Variants in C10orf67 observed in about 807,000 individuals in gnomAD.
C10orf67 encodes the protein chromosome 10 open reading frame 67.
In C10orf67, 60 loss-of-function variants were observed where a neutral mutation model predicts 35.6. That is an observed-to-expected ratio of 1.68 (90% CI 1.37 to 2.09). The LOEUF (loss-of-function observed/expected upper bound fraction) is 2.09, where lower values mean the gene tolerates loss of function less well. C10orf67 is among the 30% of genes most tolerant of loss of function. The pLI is 0.00. For synonymous variants in C10orf67, 167 were observed against 115.8 expected, an observed-to-expected ratio of 1.44 and a Z score of -2.84; for missense variants, 474 against 330.2, an observed-to-expected ratio of 1.44 and a Z score of -3.38.
chr10:23,330,105 G>C (rs1312131462), intron 2 of C10orf67, among the ~76,000 whole-genome samples: 1 of 152,084 alleles, frequency 6.6e-6, no homozygotes, highest in Non-Finnish European at 1.5e-5. Context: ...ATTAGAAATA[G>C]AAGAAGACAT....
chr10:23,306,349 C>T (rs923142525), intron 4 of C10orf67, among the ~76,000 whole-genome samples: 11 of 151,622 alleles, frequency 7.3e-5, no homozygotes, highest in African/African-American at 2.4e-4. Context: ...CATGTGAAAC[C>T]CTGTCTCTAC....
chr10:23,283,782 A>T (rs1307707495), intron 7 of C10orf67, among the ~76,000 whole-genome samples: 2 of 150,996 alleles, frequency 1.3e-5, no homozygotes, highest in South Asian at 2.1e-4. Flanking sequence ...CCTTTCTCCA[A>T]CCTTCCCTGA....
intron 13 of C10orf67, among the ~76,000 whole-genome samples, chr10:23,235,729 A>G (rs1235994861): frequency 6.6e-6 from 1 of 152,254 alleles, no homozygotes; most frequent in Non-Finnish European, 1.5e-5. Flanking sequence ...AGAATGACCA[A>G]TCAGCACATG....
At chr10:23,308,115 C>T (rs551292269) in intron 4 of C10orf67, among the ~76,000 whole-genome samples, 1 of 152,228 alleles carries the variant, frequency 6.6e-6, no homozygotes, top group Admixed American at 6.5e-5. Context: ...TTTCTGCGTC[C>T]CCTTATTAAC....
In C10orf67 at chr10:23,303,464, G is replaced by C. The variant is rs1844165776; in HGVS notation, c.547-5C>G. On this transcript the variant is annotated splice_polypyrimidine_tract_variant and splice_region_variant and intron_variant, in intron 4 of 15. Coordinates refer to ENST00000636213, the MANE Select transcript of C10orf67 (RefSeq NM_001371909.1). Reference sequence around the variant, plus strand: ...TTCTTCTACCTCAAAGAATTGCTAGGGACAAAAAAAAGCAGCATTAAAAAT... The same window carrying C: ...TTCTTCTACCTCAAAGAATTGCTAGCGACAAAAAAAAGCAGCATTAAAAAT... 3.7e-6 allele frequency: 2 copies of C among 533,512 alleles called. No homozygotes were observed. The highest frequency in any genetic ancestry group is 6.8e-6 in the Non-Finnish European group (2 of 294,426). The allele number at this position is 533,512 out of a possible 1,614,324, so 33.0% of individuals were successfully genotyped here.
chr10:23,204,183 G>A lies in C10orf67; in HGVS notation c.1643C>T (p.Thr548Ile). 1.6e-6 allele frequency: 1 copy of A among 621,780 alleles called. No individual in the cohort carries two copies. The highest frequency in any genetic ancestry group is 3.0e-6 in the Non-Finnish European group (1 of 335,016). The allele number at this position is 621,780 out of a possible 1,614,324, so 38.5% of individuals were successfully genotyped here. Residue 548 changes from threonine (T) to isoleucine (I), a missense_variant, in exon 16 of 16, where the codon ACT becomes ATT. By Grantham distance (89) the Thr-to-Ile change is moderately conservative. Coordinates refer to ENST00000636213, the MANE Select transcript of C10orf67 (RefSeq NM_001371909.1). ...PSMRQSSPAE[T>I]VD is the part of the protein sequence containing the mutation. ...CAGGCTTCTGCTGGGTTAATCAACA[G>A]TCTCTGCGGGGCTGCTCTGGCGCAT...
chr10:23,229,864 T>C (rs1418299511), intron 13 of C10orf67, among the ~76,000 whole-genome samples: 1 of 152,128 alleles, frequency 6.6e-6, no homozygotes, highest in Admixed American at 6.5e-5. Context: ...TATTTACAGA[T>C]TAGAAGACTC....
At chr10:23,322,030 A>T (rs1844975202) in intron 3 of C10orf67, among the ~76,000 whole-genome samples, 1 of 152,182 alleles carries the variant, frequency 6.6e-6, no homozygotes, top group Non-Finnish European at 1.5e-5. Flanking sequence ...TCAAGCCAGC[A>T]TCCCACCCTG....
chr10:23,315,900 C>G (rs191656311), intron 4 of C10orf67, among the ~76,000 whole-genome samples: 12 of 152,120 alleles, frequency 7.9e-5, no homozygotes, highest in African/African-American at 2.9e-4. Context: ...CTCACTGTAA[C>G]GTCAGACTCC....
At chr10:23,343,446 G>A (rs1207049021) in intron 1 of C10orf67, among the ~76,000 whole-genome samples, 3 of 152,094 alleles carry the variant, frequency 2.0e-5, no homozygotes, top group Admixed American at 2.0e-4. Flanking sequence ...TCCAGAACTG[G>A]GAGAAACAAA....
At chr10:23,222,565 T>C (rs1016209005) in intron 15 of C10orf67, among the ~76,000 whole-genome samples, 1 of 152,102 alleles carries the variant, frequency 6.6e-6, no homozygotes, top group African/African-American at 2.4e-5. Context: ...GTTCACTAAT[T>C]GGGTGATGAG....
chr10:23,251,127 G>A (rs1842444460), intron 10 of C10orf67, among the ~76,000 whole-genome samples: 1 of 152,046 alleles, frequency 6.6e-6, no homozygotes, highest in South Asian at 2.1e-4. Context: ...AGAACAATGA[G>A]TTATATTTAC....
At chr10:23,332,351 T>A (rs1361787578) in intron 2 of C10orf67, among the ~76,000 whole-genome samples, 1 of 152,116 alleles carries the variant, frequency 6.6e-6, no homozygotes, top group Non-Finnish European at 1.5e-5. Flanking sequence ...TAACTCTTGA[T>A]CTCCAACGTA....
At chr10:23,204,355 T>C in intron 15 of C10orf67, 100 bp from the exon 16 acceptor site, 3 of 433,490 alleles carry the variant, frequency 6.9e-6, no homozygotes, top group Non-Finnish European at 1.3e-5. Context: ...TCATTTTTTT[T>C]AGTGGGTCTT....
chr10:23,239,991 C>G (rs570853788), intron 12 of C10orf67, among the ~76,000 whole-genome samples, 175 bp from the exon 13 acceptor site: 1 of 152,084 alleles, frequency 6.6e-6, no homozygotes, highest in African/African-American at 2.4e-5. Context: ...CTACATGTTG[C>G]CTGGGCAAAA....
intron 12 of C10orf67, among the ~76,000 whole-genome samples, chr10:23,246,720 G>C (rs552117093): frequency 1.3e-5 from 2 of 152,184 alleles, no homozygotes; most frequent in Non-Finnish European, 2.9e-5. Context: ...GCTTAGGCTA[G>C]TGTGTGTGTT....
intron 1 of C10orf67, chr10:23,344,274 GA>G (rs1427299993): frequency 1.6e-5 from 7 of 430,392 alleles, no homozygotes; most frequent in African/African-American, 2.4e-5. Flanking sequence ...AGGGAAGGAA[GA>G]GGGGGAAGGA....
At chr10:23,224,980 CA>C (rs1312147608) in intron 13 of C10orf67, among the ~76,000 whole-genome samples, 2 of 152,136 alleles carry the variant, frequency 1.3e-5, no homozygotes, top group Non-Finnish European at 2.9e-5. Context: ...CCCAACCTAG[CA>C]AGGCAGGCCG....
At chr10:23,340,803 TG>T (rs1845854130) in intron 1 of C10orf67, among the ~76,000 whole-genome samples, 1 of 152,232 alleles carries the variant, frequency 6.6e-6, no homozygotes, top group African/African-American at 2.4e-5. Flanking sequence ...AATAATAAGT[TG>T]GTGGTTATGC....
Sources: allele counts gnomAD v4.1 joint callset (sites outside exome capture counted in the v4.1 genomes callset), GRCh38; gene constraint gnomAD v4.1.1; transcripts MANE v1.5; gene names NCBI Gene and HGNC (gene_info 2026-07-23, HGNC 2026-07-21).